Variants in IL1RAPL1 observed in about 807,000 individuals in gnomAD.
IL1RAPL1 encodes the protein interleukin 1 receptor accessory protein like 1.
Under a neutral mutation model 48.4 loss-of-function variants are expected in IL1RAPL1, and 3 were observed. The observed-to-expected ratio is 0.06, with a 90% confidence interval of 0.03 to 0.16. The LOEUF (loss-of-function observed/expected upper bound fraction) is 0.16, where lower values mean the gene tolerates loss of function less well. Ranked by LOEUF, IL1RAPL1 falls within the 10% of genes least tolerant of loss-of-function variation. The pLI, the probability that IL1RAPL1 is intolerant of heterozygous loss-of-function variation, is 1.00. For missense variants in IL1RAPL1, 349 were observed against 530.6 expected (o/e 0.66, Z 3.36); for synonymous variants, 185 against 187.7 (o/e 0.99, Z 0.12).
At chrX:29,717,945 A>G (rs1324888300) in intron 6 of IL1RAPL1, among the ~76,000 whole-genome samples, 2 of 111,970 alleles carry the variant, frequency 1.8e-5, no homozygotes, top group Non-Finnish European at 3.8e-5. Flanking sequence ...TTCTACCTTT[A>G]GCAAGTACTG....
chrX:28,652,478 T>A (rs1276058426), intron 1 of IL1RAPL1, among the ~76,000 whole-genome samples: 1 of 111,844 alleles, frequency 8.9e-6, no homozygotes, highest in Non-Finnish European at 1.9e-5. Flanking sequence ...TAAATTAGCA[T>A]TTTATTTATA....
chrX:29,819,099 T>C (rs566699680), intron 6 of IL1RAPL1, among the ~76,000 whole-genome samples: 53 of 112,023 alleles, frequency 4.7e-4, no homozygotes, highest in African/African-American at 1.6e-3. Flanking sequence ...TGTTATACCT[T>C]ATGTAAACTG....
intron 1 of IL1RAPL1, among the ~76,000 whole-genome samples, chrX:28,628,646 A>G (rs1934367265): frequency 8.9e-6 from 1 of 112,219 alleles, no homozygotes; most frequent in Non-Finnish European, 1.9e-5. Flanking sequence ...TATTCTTCCA[A>G]GCATCAACTG....
At chrX:29,901,032 T>C (rs1932486242) in intron 6 of IL1RAPL1, among the ~76,000 whole-genome samples, 1 of 112,259 alleles carries the variant, frequency 8.9e-6, no homozygotes, top group Non-Finnish European at 1.9e-5. Flanking sequence ...GTCCCTTATA[T>C]GTTGTTGCTC....
chrX:29,841,839 G>A (rs1340922389), intron 6 of IL1RAPL1, among the ~76,000 whole-genome samples: 1 of 111,330 alleles, frequency 9.0e-6, no homozygotes, highest in Non-Finnish European at 1.9e-5. Context: ...TCACTAAGAG[G>A]ACTAACAGGA....
intron 6 of IL1RAPL1, among the ~76,000 whole-genome samples, chrX:29,682,073 A>G (rs750623539): frequency 2.7e-5 from 3 of 111,893 alleles, no homozygotes; most frequent in Non-Finnish European, 5.6e-5. Flanking sequence ...AGTATGTACA[A>G]TTATTGCGTA....
At chrX:29,480,483 A>G (rs1935030855) in intron 5 of IL1RAPL1, among the ~76,000 whole-genome samples, 1 of 109,744 alleles carries the variant, frequency 9.1e-6, no homozygotes, top group South Asian at 3.9e-4. Flanking sequence ...GTTTTAAAAG[A>G]AAGACAATTC....
intron 2 of IL1RAPL1, among the ~76,000 whole-genome samples, chrX:28,957,196 G>C (rs1924636978): frequency 9.0e-6 from 1 of 111,154 alleles, no homozygotes; most frequent in Non-Finnish European, 1.9e-5. Flanking sequence ...TGACGAGTTA[G>C]TGGGTGCAGC....
At chrX:29,566,719 G>C (rs1001458303) in intron 5 of IL1RAPL1, among the ~76,000 whole-genome samples, 8 of 112,340 alleles carry the variant, frequency 7.1e-5, no homozygotes, top group Admixed American at 4.7e-4. Flanking sequence ...ACTAAATAAA[G>C]TATAAAAAGT....
Position 28,918,199 on chromosome X carries a change from A to G in IL1RAPL1, c.82+128774A>G, listed in dbSNP as rs139448552. Among the ~76,000 whole-genome samples the G allele has an allele frequency of 5.8e-3, 654 of 112,042 alleles. 20 individuals carry two copies. Among genetic ancestry groups the G allele is most frequent in the East Asian group, 0.046 (163 of 3,564 alleles). On this transcript the variant is annotated intron_variant, in intron 2 of 10. Transcript: ENST00000378993. ...CTTTCAAGAAACACTATTAGTCACT[A>G]TATCTTATTATATTAAACATCTCCT... is the stretch of plus-strand genomic sequence containing the variant.
chrX:29,128,254 C>T (rs1928941459), intron 2 of IL1RAPL1, among the ~76,000 whole-genome samples: 1 of 110,950 alleles, frequency 9.0e-6, no homozygotes. Context: ...AAGCATGACC[C>T]AATACATTAC....
intron 5 of IL1RAPL1, among the ~76,000 whole-genome samples, chrX:29,521,487 T>C (rs1242914875): frequency 1.8e-5 from 2 of 112,376 alleles, no homozygotes; most frequent in African/African-American, 6.5e-5. Context: ...TACCAAAAGA[T>C]TATCAGAAAA....
At chrX:28,826,899 A>G (rs1160908220) in intron 2 of IL1RAPL1, among the ~76,000 whole-genome samples, 1 of 111,234 alleles carries the variant, frequency 9.0e-6, no homozygotes, top group Non-Finnish European at 1.9e-5. Flanking sequence ...ATCTTGTGTG[A>G]AAGTTTCTTT....
At chrX:28,606,869 C>A (rs73630062) in intron 1 of IL1RAPL1, among the ~76,000 whole-genome samples, 8,790 of 110,547 alleles carry the variant, frequency 0.08, 288 homozygotes, top group African/African-American at 0.12. Flanking sequence ...ATTTTTGATT[C>A]TTTTCCATGT....
intron 2 of IL1RAPL1, among the ~76,000 whole-genome samples, chrX:29,167,471 T>C (rs1402240890): frequency 9.1e-6 from 1 of 110,094 alleles, no homozygotes; most frequent in Non-Finnish European, 1.9e-5. Context: ...AAAAGGAGAC[T>C]GGCCTGTCTT....
chrX:29,645,225 C>T (rs1925283755), intron 5 of IL1RAPL1, among the ~76,000 whole-genome samples: 1 of 111,455 alleles, frequency 9.0e-6, no homozygotes, highest in South Asian at 3.8e-4. Flanking sequence ...GAATAGGACT[C>T]TCCAGCCATT....
At chrX:28,603,794 A>T (rs946590386) in intron 1 of IL1RAPL1, among the ~76,000 whole-genome samples, 16 of 112,652 alleles carry the variant, frequency 1.4e-4, no homozygotes, top group African/African-American at 4.5e-4. Flanking sequence ...AGCTTGGTAG[A>T]TATATGACAT....
intron 5 of IL1RAPL1, among the ~76,000 whole-genome samples, chrX:29,655,243 A>G (rs1925640736): frequency 8.9e-6 from 1 of 112,014 alleles, no homozygotes; most frequent in Admixed American, 9.5e-5. Flanking sequence ...TTTACACAAA[A>G]CTTTCTGTCC....
At chrX:29,732,420 G>A (rs1201043740) in intron 6 of IL1RAPL1, among the ~76,000 whole-genome samples, 2 of 111,309 alleles carry the variant, frequency 1.8e-5, no homozygotes, top group African/African-American at 3.3e-5. Flanking sequence ...TAAAAGTCAC[G>A]ATCCATTAGT....
Sources: allele counts gnomAD v4.1 joint callset (sites outside exome capture counted in the v4.1 genomes callset), GRCh38; gene constraint gnomAD v4.1.1; transcripts MANE v1.5; gene names NCBI Gene and HGNC (gene_info 2026-07-23, HGNC 2026-07-21).